The following RGS6 variants were observed in gnomAD, a reference collection of about 807,000 sequenced individuals.
RGS6 encodes the protein regulator of G protein signaling 6.
Under a neutral mutation model 78.5 loss-of-function variants are expected in RGS6, and 30 were observed. The ratio of observed to expected loss-of-function variants is 0.38; its 90% CI spans 0.29 to 0.52. The LOEUF is 0.52. Ranked by LOEUF, RGS6 falls within the 20% of genes least tolerant of loss-of-function variation. The pLI, the probability that RGS6 is intolerant of heterozygous loss-of-function variation, is 0.85. For synonymous variants in RGS6, 206 were observed against 206.0 expected, an observed-to-expected ratio of 1.00 and a Z score of 0.00; for missense variants, 495 against 609.7, an observed-to-expected ratio of 0.81 and a Z score of 1.98.
chr14:72,237,266 C>T (rs957807148), intron 2 of RGS6, among the ~76,000 whole-genome samples: 14 of 152,164 alleles, frequency 9.2e-5, no homozygotes, highest in South Asian at 2.1e-4. Flanking sequence ...TGGTCACCTG[C>T]GCTGTTTCCA....
At chr14:72,219,705 AC>A (rs1371640501) in intron 2 of RGS6, among the ~76,000 whole-genome samples, 2 of 152,090 alleles carry the variant, frequency 1.3e-5, no homozygotes, top group Non-Finnish European at 2.9e-5. Flanking sequence ...ATGTTTTAAT[AC>A]TCAAATATAT....
At chr14:72,031,546 G>A (rs1042239177) in intron 2 of RGS6, among the ~76,000 whole-genome samples, 4 of 152,164 alleles carry the variant, frequency 2.6e-5, no homozygotes, top group African/African-American at 4.8e-5. Context: ...CATGGATAAT[G>A]TAGATCAACA....
chr14:71,920,711 T>C, the RGS6 span, among the ~76,000 whole-genome samples: 1 of 152,372 alleles, frequency 6.6e-6, no homozygotes, highest in Non-Finnish European at 1.5e-5. Context: ...GTATTTTAAA[T>C]ACTAACTGCC....
At chr14:72,327,186 A>G (rs962853403) in intron 2 of RGS6, among the ~76,000 whole-genome samples, 1 of 152,160 alleles carries the variant, frequency 6.6e-6, no homozygotes, top group African/African-American at 2.4e-5. Context: ...CCTATTCAAA[A>G]AGTTAATCAA....
chr14:72,158,274 C>G (rs1271714764), intron 2 of RGS6, among the ~76,000 whole-genome samples: 1 of 152,154 alleles, frequency 6.6e-6, no homozygotes, highest in Non-Finnish European at 1.5e-5. Flanking sequence ...CCTGTCTCTT[C>G]ATGTCATCAT....
chr14:72,470,727 A>G (rs1204721049), intron 8 of RGS6, among the ~76,000 whole-genome samples: 2 of 152,086 alleles, frequency 1.3e-5, no homozygotes, highest in South Asian at 2.1e-4. Context: ...TAAAAATACA[A>G]AATTAGCTGG....
rs538066714 is a variant in RGS6, at chr14:72,496,851, C to CAT, written c.965+1601_965+1602dup. Among the ~76,000 whole-genome samples the CAT allele has an allele frequency of 8.0e-4, 121 of 151,514 alleles. No individual in the cohort carries two copies. In the Middle Eastern group the frequency reaches 0.01, roughly 13 times the overall value. ...TTCAATATATATACCCAAATATGTACATATATATATATAGTCCAATAATTT... is the reference window on the plus strand; with the variant it reads ...TTCAATATATATACCCAAATATGTACATATATATATATATAGTCCAATAATTT... On this transcript the variant is annotated intron_variant, in intron 13 of 17. Transcript: ENST00000553525.
the RGS6 span, among the ~76,000 whole-genome samples, chr14:71,925,430 G>A: frequency 6.6e-6 from 1 of 151,950 alleles, no homozygotes; most frequent in African/African-American, 2.4e-5. Flanking sequence ...GTTTATTTTT[G>A]CCTTTGTTGC....
intron 2 of RGS6, among the ~76,000 whole-genome samples, chr14:72,100,425 G>A (rs2238262): frequency 0.25 from 37,795 of 151,988 alleles, 5,410 homozygotes; most frequent in Non-Finnish European, 0.33. Flanking sequence ...AACCTGGGAG[G>A]CAGAGGTTAC....
At chr14:72,192,178 A>G (rs747397663) in intron 2 of RGS6, among the ~76,000 whole-genome samples, 56 of 152,326 alleles carry the variant, frequency 3.7e-4, no homozygotes, top group Admixed American at 1.2e-3. Flanking sequence ...CTTCTGGTAT[A>G]ATTTCATGAT....
chr14:71,903,710 T>G, the RGS6 span, among the ~76,000 whole-genome samples: 2 of 152,230 alleles, frequency 1.3e-5, no homozygotes, highest in Non-Finnish European at 2.9e-5. Flanking sequence ...GGGAGCCTTA[T>G]TACCATTAGC....
intron 1 of RGS6, among the ~76,000 whole-genome samples, chr14:71,958,201 A>G (rs955966435): frequency 2.0e-5 from 3 of 152,168 alleles, no homozygotes; most frequent in African/African-American, 7.2e-5. Context: ...AGGACCTACT[A>G]TGTTCCAGGC....
intron 2 of RGS6, among the ~76,000 whole-genome samples, chr14:71,985,431 T>G (rs2094663523): frequency 6.6e-6 from 1 of 152,198 alleles, no homozygotes. Flanking sequence ...TATCATAGTT[T>G]TAAAGGTTGA....
At chr14:72,362,834 C>G (rs973664830) in intron 3 of RGS6, among the ~76,000 whole-genome samples, 1 of 152,120 alleles carries the variant, frequency 6.6e-6, no homozygotes, top group Non-Finnish European at 1.5e-5. Context: ...TTGGGAGACA[C>G]GATTCATTGG....
At chr14:71,868,981 C>T in the RGS6 span, among the ~76,000 whole-genome samples, 1 of 152,190 alleles carries the variant, frequency 6.6e-6, no homozygotes, top group African/African-American at 2.4e-5. Flanking sequence ...TACAGCACCC[C>T]TCTGAAGTTA....
intron 2 of RGS6, among the ~76,000 whole-genome samples, chr14:71,975,800 T>C (rs1433002215): frequency 6.6e-6 from 1 of 152,236 alleles, no homozygotes; most frequent in Non-Finnish European, 1.5e-5. Flanking sequence ...ATATTGTTTA[T>C]GCCTAGTTTT....
chr14:72,295,748 G>A (rs2064681656), intron 2 of RGS6, among the ~76,000 whole-genome samples: 1 of 152,180 alleles, frequency 6.6e-6, no homozygotes, highest in Non-Finnish European at 1.5e-5. Flanking sequence ...CAGCCAGTGG[G>A]AAGAGAGTAA....
At chr14:71,891,224 A>T in the RGS6 span, among the ~76,000 whole-genome samples, 1 of 152,190 alleles carries the variant, frequency 6.6e-6, no homozygotes, top group Non-Finnish European at 1.5e-5. Context: ...TTGATATAAC[A>T]CAATTACCCC....
chr14:72,283,733 G>A (rs1288515102), intron 2 of RGS6, among the ~76,000 whole-genome samples: 1 of 152,184 alleles, frequency 6.6e-6, no homozygotes, highest in Non-Finnish European at 1.5e-5. Flanking sequence ...CACTGCGAGG[G>A]TAGGGAGCTA....
Sources: gnomAD v4.1 joint callset for allele counts (sites outside exome capture counted in the v4.1 genomes callset) on GRCh38, gnomAD v4.1.1 for gene constraint, MANE v1.5 for transcripts, NCBI Gene and HGNC (gene_info 2026-07-23, HGNC 2026-07-21) for gene names.